Variants in PLEKHG4B observed in about 807,000 individuals in gnomAD.
The protein encoded by PLEKHG4B is pleckstrin homology and RhoGEF domain containing G4B.
A neutral mutation model predicts 121.3 loss-of-function variants in PLEKHG4B; 111 were observed. The ratio of observed to expected loss-of-function variants is 0.92; its 90% CI spans 0.78 to 1.07. The LOEUF (loss-of-function observed/expected upper bound fraction) is 1.07, where lower values mean the gene tolerates loss of function less well. Among genes scored for constraint, PLEKHG4B ranks in the 50% least tolerant of loss-of-function variants. PLEKHG4B has a pLI of 0.00. For synonymous variants in PLEKHG4B, 738 were observed against 725.0 expected (o/e 1.02, Z -0.29); for missense variants, 1,831 against 1,757.8 (o/e 1.04, Z -0.74).
rs1254433738 is a variant in PLEKHG4B at position 156,425 on chromosome 5, G to A, written c.2348+215G>A. Among the ~76,000 whole-genome samples, 1 of 151,670 alleles carries A rather than the reference G, an allele frequency of 6.6e-6. No individual in the cohort carries two copies. The highest frequency in any genetic ancestry group is 1.5e-5 in the Non-Finnish European group (1 of 67,976). ...AGCCAGCTTCTGGGGATGCTCGGCA[G>A]GAGGTGGTCAGAGTGCATCAGAATG... is the stretch of plus-strand genomic sequence containing the variant. On this transcript the variant is annotated intron_variant, in intron 10 of 19. Transcript: ENST00000637938. This position sits in a 1 kb window ranked among gnomAD's most constrained non-coding sequence, Gnocchi z 4.4.
chr5:136,305 G>C (rs1734982472), intron 2 of PLEKHG4B, among the ~76,000 whole-genome samples: 2 of 152,096 alleles, frequency 1.3e-5, no homozygotes, highest in African/African-American at 4.8e-5. Flanking sequence ...ACCATCAAAA[G>C]TGAAAAATAG....
intron 1 of PLEKHG4B, among the ~76,000 whole-genome samples, chr5:112,033 G>A (rs564158903): frequency 1.9e-4 from 29 of 152,184 alleles, no homozygotes; most frequent in Non-Finnish European, 3.2e-4. Context: ...TTGAGTTTTT[G>A]GAAATTAGAT....
chr5:127,340 TTTA>T (rs60825083), intron 2 of PLEKHG4B, among the ~76,000 whole-genome samples: 2,622 of 135,540 alleles, frequency 0.019, 34 homozygotes, highest in African/African-American at 0.022. Flanking sequence ...ATTGTTGGTT[TTTA>T]TTATTATTAT....
At position 182,498 on chromosome 5, in the gene PLEKHG4B, T is replaced by C; in HGVS notation, c.*175T>C. On this transcript the variant is annotated 3_prime_UTR_variant, in exon 20 of 20. Coordinates refer to ENST00000637938, the MANE Select transcript of PLEKHG4B (RefSeq NM_052909.5). ...AGGATTTTAGACATTCCCTAACATT[T>C]TCAAACAAATTTATAATTTTGTCTT... 1 of 631,246 alleles carries C rather than the reference T, an allele frequency of 1.6e-6. No individual in the cohort carries two copies. Among genetic ancestry groups the C allele is most frequent in the Non-Finnish European group, 2.6e-6 (1 of 378,820 alleles). 39.1% of individuals were successfully genotyped at this position (631,246 alleles called of 1,614,324 possible).
Position 164,506 on chromosome 5 carries a change from G to T in PLEKHG4B, c.3476+958G>T, listed in dbSNP as rs1223493167. On this transcript the variant is annotated intron_variant, in intron 13 of 19. Coordinates refer to ENST00000637938, the MANE Select transcript of PLEKHG4B (RefSeq NM_052909.5). ...GCTCACACTAATGCTCTGACAGGGG[G>T]CGGAGCTCACACAGTAATGCTGTGA... 3.0e-5 allele frequency among the ~76,000 whole-genome samples: 3 copies of T among 101,320 alleles called. 1 individual carries two copies. The highest frequency in any genetic ancestry group is 6.0e-5 in the Non-Finnish European group (3 of 49,928). The allele number at this position is 101,320 out of a possible 152,430, so 66.5% of individuals were successfully genotyped here. A position where few individuals can be genotyped will look rare whatever the true frequency, so the allele number is the denominator to read the frequency against.
chr5:120,333 C>T (rs923024170), intron 2 of PLEKHG4B, among the ~76,000 whole-genome samples: 2 of 152,216 alleles, frequency 1.3e-5, no homozygotes, highest in South Asian at 4.1e-4. Context: ...ATCTCATCGT[C>T]TAACAGTCTT....
intron 2 of PLEKHG4B, among the ~76,000 whole-genome samples, chr5:117,717 G>T (rs1455579935): frequency 2.0e-5 from 3 of 152,162 alleles, no homozygotes; most frequent in African/African-American, 7.2e-5. Flanking sequence ...GCCGGGCGTG[G>T]TGGCAGGTGC....
intron 13 of PLEKHG4B, among the ~76,000 whole-genome samples, chr5:167,840 C>T (rs1218960722): frequency 2.0e-5 from 3 of 152,228 alleles, no homozygotes; most frequent in East Asian, 1.9e-4. Context: ...CCAGCCTAAG[C>T]GTCCTGCATT....
chr5:162,797 C>G lies in PLEKHG4B; in HGVS notation c.2725C>G (p.His909Asp), dbSNP rs1156975445. The G allele has an allele frequency of 6.7e-7, 1 of 1,496,626 alleles. No homozygotes were observed. The highest frequency in any genetic ancestry group is 1.4e-5 in the African/African-American group (1 of 71,372). The allele number at this position is 1,496,626 out of a possible 1,614,324, so 92.7% of individuals were successfully genotyped here. A position where few individuals can be genotyped will look rare whatever the true frequency, so the allele number is the denominator to read the frequency against. Residue 909 changes from histidine to aspartate, a missense_variant, in exon 13 of 20, where the codon CAC becomes GAC. By Grantham distance (81) the His-to-Asp change is moderately conservative. Transcript: ENST00000637938. Reference protein sequence around the residue: ...SPVAECLRSCHQEATSVAAEA... With the variant: ...SPVAECLRSCDQEATSVAAEA... ...CGTGGCTGAGTGTTTGAGGAGCTGT[C>G]ACCAGGAGGCTACCTCGGTGGCTGC...
intron 6 of PLEKHG4B, among the ~76,000 whole-genome samples, chr5:148,650 CA>C (rs1330509107): frequency 1.3e-5 from 2 of 152,142 alleles, no homozygotes; most frequent in African/African-American, 4.8e-5. Flanking sequence ...CAATACTACA[CA>C]AAGTGATGTA....
rs1014365207 is a variant in PLEKHG4B at position 140,231 on chromosome 5, G to A, written c.992G>A (p.Gly331Asp). The A allele has an allele frequency of 4.9e-5, 70 of 1,414,444 alleles. 1 individual carries two copies. Among genetic ancestry groups the A allele is most frequent in the South Asian group, 4.6e-4 (31 of 67,380 alleles). 87.6% of individuals were successfully genotyped at this position (1,414,444 alleles called of 1,614,324 possible). A position where few individuals can be genotyped will look rare whatever the true frequency, so the allele number is the denominator to read the frequency against. The change falls in exon 3 of 20, where the codon GGC becomes GAC. Residue 331 changes from glycine (G) to aspartate (D), a missense_variant. Gly to Asp is a moderately conservative substitution (Grantham distance 94). Transcript: ENST00000637938. ...PKALTFHTDL[G>D]IPSSRRRPPG... ...GCCCTCACCTTCCACACAGACCTGG[G>A]CATCCCGAGCAGCAGGAGGCGGCCG...
intron 13 of PLEKHG4B, among the ~76,000 whole-genome samples, chr5:164,413 G>A (rs142731919): frequency 1.4e-4 from 21 of 151,568 alleles, no homozygotes; most frequent in African/African-American, 5.1e-4. Context: ...GATGTGACTG[G>A]GGGCGGAGTT....
In PLEKHG4B at chr5:162,787, G is replaced by T; in HGVS notation, c.2715G>T (p.Leu905Phe). Residue 905 changes from leucine (L) to phenylalanine (F), a missense_variant, in exon 13 of 20, where the codon TTG (leucine) becomes TTT (phenylalanine). Transcript: ENST00000637938. ...CCTCCTCACCCGTGGCTGAGTGTTT[G>T]AGGAGCTGTCACCAGGAGGCTACCT... ...ACPSSPVAEC[L>F]RSCHQEATSV... 6.7e-7 allele frequency: 1 copy of T among 1,490,244 alleles called. No individual in the cohort carries two copies. Among genetic ancestry groups the T allele is most frequent in the Non-Finnish European group, 8.9e-7 (1 of 1,122,100 alleles). 92.3% of individuals were successfully genotyped at this position (1,490,244 alleles called of 1,614,324 possible).
intron 1 of PLEKHG4B, among the ~76,000 whole-genome samples, chr5:96,887 A>G (rs774131532): frequency 6.6e-6 from 1 of 152,370 alleles, no homozygotes; most frequent in East Asian, 1.9e-4. Flanking sequence ...CACAATTTCC[A>G]CAAGGTACTA....
chr5:125,260 T>G (rs969917082), intron 2 of PLEKHG4B, among the ~76,000 whole-genome samples: 1 of 152,234 alleles, frequency 6.6e-6, no homozygotes, highest in African/African-American at 2.4e-5. Context: ...AGCTTTTTTG[T>G]CCATTTCCTG....
At chr5:108,002 G>T (rs1734027370) in intron 1 of PLEKHG4B, among the ~76,000 whole-genome samples, 1 of 152,126 alleles carries the variant, frequency 6.6e-6, no homozygotes, top group Admixed American at 6.6e-5. Flanking sequence ...AAGAGAGGAG[G>T]CCTCGAAACA....
intron 13 of PLEKHG4B, among the ~76,000 whole-genome samples, chr5:168,101 C>T (rs756571145): frequency 5.3e-5 from 8 of 152,128 alleles, no homozygotes; most frequent in South Asian, 2.1e-4. Flanking sequence ...AGTGAGACTT[C>T]GGGCAGCCAC....
rs542130402 is a variant in PLEKHG4B, at chr5:169,193, A to C, written c.3477-147A>C. 5.4e-4 allele frequency: 610 copies of C among 1,123,932 alleles called. 4 individuals are homozygous for C. The highest frequency in any genetic ancestry group is 5.6e-4 in the Non-Finnish European group (443 of 797,246). 69.6% of individuals were successfully genotyped at this position (1,123,932 alleles called of 1,614,324 possible). A position where few individuals can be genotyped will look rare whatever the true frequency, so the allele number is the denominator to read the frequency against. On this transcript the variant is annotated intron_variant, in intron 13 of 19. Transcript: ENST00000637938. ...CTGGCCGGAAGCTTTTTTATCGTGC[A>C]TCCCACATGTGCCCATGTGCCTCCA... is the stretch of plus-strand genomic sequence containing the variant.
Position 113,680 on chromosome 5 carries a change from A to G in PLEKHG4B, c.243+232A>G, listed in dbSNP as rs1484237345. On this transcript the variant is annotated intron_variant, in intron 2 of 19. Transcript: ENST00000637938. This position sits in a 1 kb window ranked among gnomAD's most constrained non-coding sequence, Gnocchi z 5.2. ...GAGCCCTCTTTGTCCCCCACCCCCA[A>G]TAAACTTGCACTGCATTCTTTGAAG... Among the ~76,000 whole-genome samples the G allele has an allele frequency of 1.3e-5, 2 of 152,192 alleles. No homozygotes were observed. The highest frequency in any genetic ancestry group is 1.5e-5 in the Non-Finnish European group (1 of 68,034).
Sources: allele counts gnomAD v4.1 joint callset (sites outside exome capture counted in the v4.1 genomes callset), GRCh38; gene constraint gnomAD v4.1.1; non-coding constraint Gnocchi (gnomAD v3.1); transcripts MANE v1.5; gene names NCBI Gene and HGNC (gene_info 2026-07-23, HGNC 2026-07-21).